ZNF566: variants seen among roughly 807,000 people sequenced by gnomAD.
ZNF566 encodes the protein zinc finger protein 566.
ZNF566 carries 27 observed loss-of-function variants against 32.8 expected under a neutral mutation model. The ratio of observed to expected loss-of-function variants is 0.82; its 90% CI spans 0.61 to 1.14. The LOEUF is 1.14. Ranked by LOEUF, ZNF566 falls within the 50% of genes most tolerant of loss-of-function variation. The pLI is 0.00. For missense variants in ZNF566, 402 were observed against 490.4 expected, an observed-to-expected ratio of 0.82 and a Z score of 1.70; for synonymous variants, 154 against 159.5, an observed-to-expected ratio of 0.97 and a Z score of 0.26.
chr19:36,452,809 T>C (rs993332808), intron 4 of ZNF566, among the ~76,000 whole-genome samples: 2 of 152,234 alleles, frequency 1.3e-5, no homozygotes, highest in South Asian at 2.1e-4. Context: ...TAAATCACTT[T>C]TAACTCTAGT....
chr19:36,479,801 T>C (rs1219655881), intron 1 of ZNF566, among the ~76,000 whole-genome samples: 3 of 151,048 alleles, frequency 2.0e-5, no homozygotes, highest in African/African-American at 7.3e-5. Flanking sequence ...TCCAGCTAAA[T>C]GTTTGGGGTT....
intron 1 of ZNF566, among the ~76,000 whole-genome samples, chr19:36,486,472 G>C (rs957771980): frequency 6.6e-6 from 1 of 152,004 alleles, no homozygotes; most frequent in Non-Finnish European, 1.5e-5. Context: ...AGGAGTTTGA[G>C]ACCAGCCTGA....
chr19:36,485,716 C>T (rs538831334), intron 1 of ZNF566, among the ~76,000 whole-genome samples: 1 of 148,042 alleles, frequency 6.8e-6, no homozygotes, highest in Admixed American at 6.7e-5. Context: ...AAGCTGAGAT[C>T]GCACCATTGC....
chr19:36,463,548 T>C (rs2033534575), intron 4 of ZNF566, among the ~76,000 whole-genome samples: 1 of 144,566 alleles, frequency 6.9e-6, no homozygotes, highest in Non-Finnish European at 1.5e-5. Context: ...TTTTTTTTTT[T>C]TTTTTTTTTT....
chr19:36,476,419 G>T, intron 2 of ZNF566, 130 bp downstream of exon 2: 4 of 701,930 alleles, frequency 5.7e-6, no homozygotes, highest in South Asian at 4.8e-5. Flanking sequence ...TTCTGACATT[G>T]CTCATAACCA....
intron 1 of ZNF566, among the ~76,000 whole-genome samples, chr19:36,485,915 G>A (rs1296081392): frequency 1.3e-5 from 2 of 151,904 alleles, no homozygotes; most frequent in African/African-American, 2.4e-5. Flanking sequence ...TTAGCTGGGC[G>A]TGGTGGTGCG....
At position 36,449,277 on chromosome 19, in the gene ZNF566, G is replaced by C. The variant is rs781616335; in HGVS notation, c.957C>G (p.Ala319=). 8.1e-6 allele frequency: 13 copies of C among 1,613,830 alleles called. No homozygotes were observed. The highest frequency in any genetic ancestry group is 1.3e-5 in the African/African-American group (1 of 74,860). The change falls in exon 5 of 5, where the codon GCC becomes GCG. Residue 319 remains alanine (A), a synonymous_variant. Transcript: ENST00000452939. ...KPYECKECGN[A]FSQSSQLIKH... ...TAATAAGTTGTGAGCTCTGACTAAAGGCATTGCCACATTCCTTACATTCAT... is the reference window on the plus strand; with the variant it reads ...TAATAAGTTGTGAGCTCTGACTAAACGCATTGCCACATTCCTTACATTCAT...
rs2033062349 is a variant in ZNF566 at position 36,448,911 on chromosome 19, A to C, written c.*66T>G. The C allele has an allele frequency of 5.4e-6, 7 of 1,307,996 alleles. No homozygotes were observed. In the South Asian group the frequency reaches 7.8e-5, roughly 14 times the overall value. The allele number at this position is 1,307,996 out of a possible 1,614,324, so 81.0% of individuals were successfully genotyped here. A position where few individuals can be genotyped will look rare whatever the true frequency, so the allele number is the denominator to read the frequency against. ...ATTATTCTATCTAGAGGAATTATTA[A>C]CAAGATAAATTCTGTTTTGAGCCAT... On this transcript the variant is annotated 3_prime_UTR_variant, in exon 5 of 5. Transcript: ENST00000452939.
In ZNF566 at chr19:36,477,523, TCTG is replaced by T. The variant is rs1335424856; in HGVS notation, c.-59-910_-59-908del. On this transcript the variant is annotated intron_variant, in intron 1 of 4. Transcript: ENST00000452939. Reference sequence around the variant, plus strand: ...ACCTGGGTCAAACCAGTTTTCTGTTTCTGTTTTTTTTTTGTTTGTTTGTTTGTT... The same window carrying T: ...ACCTGGGTCAAACCAGTTTTCTGTTTTTTTTTTTTTGTTTGTTTGTTTGTT... Among the ~76,000 whole-genome samples, 77 of 115,470 alleles carry T rather than the reference TCTG, an allele frequency of 6.7e-4. 1 individual carries two copies. The highest frequency in any genetic ancestry group is 2.5e-3 in the African/African-American group (75 of 30,338). The allele number at this position is 115,470 out of a possible 152,430, so 75.8% of individuals were successfully genotyped here. A position where few individuals can be genotyped will look rare whatever the true frequency, so the allele number is the denominator to read the frequency against.
In ZNF566 at chr19:36,473,454, G is replaced by A. The variant is rs772407002; in HGVS notation, c.14C>T (p.Ser5Leu). 1 of 1,594,694 alleles carries A rather than the reference G, an allele frequency of 6.3e-7. No individual in the cohort carries two copies. The highest frequency in any genetic ancestry group is 1.8e-5 in the Admixed American group (1 of 55,968). Residue 5 changes from serine (S) to leucine (L), a missense_variant, in exon 3 of 5, where the codon TCA (serine) becomes TTA (leucine). Physicochemically the swap from Ser to Leu is moderately radical, Grantham distance 145. Transcript: ENST00000452939. The stretch of plus-strand genomic sequence containing the variant: ...TACGGACACATCACTGAACATCACT[G>A]ACTCCTGGAACAATAACCACGTATA... MAQE[S>L]VMFSDVSVDF... is the part of the protein sequence containing the mutation.
chr19:36,469,255 G>C (rs889232918), intron 4 of ZNF566, among the ~76,000 whole-genome samples: 1 of 151,856 alleles, frequency 6.6e-6, no homozygotes, highest in Non-Finnish European at 1.5e-5. Flanking sequence ...GAAATTATTT[G>C]TGGTGGGACG....
At chr19:36,450,644 T>C (rs1254969536) in intron 4 of ZNF566, among the ~76,000 whole-genome samples, 2 of 151,538 alleles carry the variant, frequency 1.3e-5, no homozygotes, top group Admixed American at 6.6e-5. Context: ...ACTGTCTCAA[T>C]AGATAGATAA....
rs2033055333 is a variant in ZNF566, at chr19:36,448,655, T to C, written c.*322A>G. 1 of 192,094 alleles carries C rather than the reference T, an allele frequency of 5.2e-6. No individual in the cohort carries two copies. The highest frequency in any genetic ancestry group is 5.8e-5 in the Admixed American group (1 of 17,252). 11.9% of individuals were successfully genotyped at this position (192,094 alleles called of 1,614,324 possible). A position where few individuals can be genotyped will look rare whatever the true frequency, so the allele number is the denominator to read the frequency against. ...AAAAATGACAATCACAGGACTACATTTCTACAAAAATTCTCTGACGTTAAG... is the reference window on the plus strand; with the variant it reads ...AAAAATGACAATCACAGGACTACATCTCTACAAAAATTCTCTGACGTTAAG... On this transcript the variant is annotated 3_prime_UTR_variant, in exon 5 of 5. Coordinates refer to ENST00000452939, the MANE Select transcript of ZNF566 (RefSeq NM_001145344.1).
chr19:36,473,042 T>C (rs372004463), intron 3 of ZNF566, 36 bp from the exon 4 acceptor site: 10 of 1,563,754 alleles, frequency 6.4e-6, no homozygotes, highest in Admixed American at 1.7e-5. Context: ...AAATTTATCA[T>C]GAGCATATCC....
intron 4 of ZNF566, among the ~76,000 whole-genome samples, chr19:36,472,516 CT>C (rs1289865945): frequency 1.3e-5 from 2 of 152,146 alleles, no homozygotes; most frequent in African/African-American, 4.8e-5. Context: ...GCATAAACCC[CT>C]ATCCCAAAAA....
intron 4 of ZNF566, among the ~76,000 whole-genome samples, chr19:36,451,022 C>T (rs2912421): frequency 0.54 from 82,786 of 152,096 alleles, 22,897 homozygotes; most frequent in African/African-American, 0.61. Context: ...ATGTGCATTT[C>T]ATTTTGAAAT....
At chr19:36,450,874 T>G (rs916367850) in intron 4 of ZNF566, among the ~76,000 whole-genome samples, 8 of 152,318 alleles carry the variant, frequency 5.3e-5, no homozygotes, top group Non-Finnish European at 1.5e-5. Context: ...TGATAGAGAA[T>G]GTGTGAACTG....
Position 36,483,958 on chromosome 19 carries a change from A to G in ZNF566, c.-60+5528T>C, listed in dbSNP as rs1270751380. On this transcript the variant is annotated intron_variant, in intron 1 of 4. Transcript: ENST00000452939. ...GTTGCCTAAGCTAGAGTGCAATGGC[A>G]CGATCTCAGCTCACTGCAATTCTCC... Among the ~76,000 whole-genome samples the G allele has an allele frequency of 2.0e-5, 3 of 152,126 alleles. No homozygotes were observed. The East Asian group carries it at 5.8e-4, about 29-fold the overall frequency.
chr19:36,461,842 A>G (rs897435495), intron 4 of ZNF566, among the ~76,000 whole-genome samples: 1 of 152,062 alleles, frequency 6.6e-6, no homozygotes, highest in Non-Finnish European at 1.5e-5. Context: ...TGTTATTTGG[A>G]TTTGTCCTGT....
Sources: gnomAD v4.1 joint callset for allele counts (sites outside exome capture counted in the v4.1 genomes callset) on GRCh38, gnomAD v4.1.1 for gene constraint, MANE v1.5 for transcripts, NCBI Gene and HGNC (gene_info 2026-07-23, HGNC 2026-07-21) for gene names.